PDE4D: variants seen among roughly 807,000 people sequenced by gnomAD.
PDE4D encodes the protein 3',5'-cyclic-AMP phosphodiesterase 4D.
Under a neutral mutation model 87.4 loss-of-function variants are expected in PDE4D, and 24 were observed. The observed-to-expected ratio is 0.27, with a 90% CI of 0.20 to 0.39. The LOEUF (loss-of-function observed/expected upper bound fraction) is 0.39, where lower values mean the gene tolerates loss of function less well. Among genes scored for constraint, PDE4D ranks in the 10% least tolerant of loss-of-function variants. The pLI is 1.00. For missense variants in PDE4D, 714 were observed against 1,041.0 expected (o/e 0.69, Z 4.32); for synonymous variants, 384 against 383.2 (o/e 1.00, Z -0.02).
chr5:60,116,390 C>T (rs1450983975), intron 2 of PDE4D, among the ~76,000 whole-genome samples: 1 of 151,800 alleles, frequency 6.6e-6, no homozygotes, highest in Non-Finnish European at 1.5e-5. Context: ...TAAGGGTAAC[C>T]CCCTTATGCC....
At chr5:60,479,403 TG>T (rs1748559967) in intron 1 of PDE4D, among the ~76,000 whole-genome samples, 1 of 152,174 alleles carries the variant, frequency 6.6e-6, no homozygotes, top group Non-Finnish European at 1.5e-5. Context: ...ATATTCACAA[TG>T]TGCTACTGAG....
At chr5:60,083,860 T>C (rs904144680) in intron 2 of PDE4D, among the ~76,000 whole-genome samples, 4 of 152,210 alleles carry the variant, frequency 2.6e-5, no homozygotes, top group Admixed American at 1.3e-4. Flanking sequence ...TCTACGGTTA[T>C]GGTCTGGCCT....
rs58613622 is a variant in PDE4D at position 59,781,784 on chromosome 5, CAAAAAAAAAAAA to C, written c.455+111372_455+111383del. ...TGGGCGACAGAGCGACACTCCATCTCAAAAAAAAAAAAAAAAAAAAAAAAAAAAAAATCAACT... is the reference window on the plus strand; with the variant it reads ...TGGGCGACAGAGCGACACTCCATCTCAAAAAAAAAAAAAAAAAAATCAACT... On this transcript the variant is annotated intron_variant, in intron 1 of 14. Transcript: ENST00000340635. Among the ~76,000 whole-genome samples, 37 of 39,900 alleles carry C rather than the reference CAAAAAAAAAAAA, an allele frequency of 9.3e-4. 1 individual carries two copies. Among genetic ancestry groups the C allele is most frequent in the East Asian group, 1.5e-3 (1 of 654 alleles). The allele number at this position is 39,900 out of a possible 152,430, so 26.2% of individuals were successfully genotyped here.
intron 1 of PDE4D, among the ~76,000 whole-genome samples, chr5:60,458,405 A>AC (rs1746653268): frequency 6.6e-6 from 1 of 151,190 alleles, no homozygotes; most frequent in East Asian, 2.0e-4. Context: ...AAAAAAAAAA[A>AC]AAAGCAAAAG....
At chr5:60,518,282 G>T (rs1158253272) in intron 1 of PDE4D, among the ~76,000 whole-genome samples, 2 of 152,242 alleles carry the variant, frequency 1.3e-5, no homozygotes, top group Non-Finnish European at 2.9e-5. Context: ...GCCTGCCCAG[G>T]CTGAGTGGGC....
At chr5:59,813,440 A>G (rs919985254) in intron 1 of PDE4D, among the ~76,000 whole-genome samples, 9 of 116,232 alleles carry the variant, frequency 7.7e-5, no homozygotes, top group African/African-American at 2.7e-4. Flanking sequence ...ACAAGCATAC[A>G]CTTGTACACA....
intron 1 of PDE4D, among the ~76,000 whole-genome samples, chr5:60,231,984 T>C (rs936763274): frequency 6.6e-6 from 1 of 151,950 alleles, no homozygotes; most frequent in African/African-American, 2.4e-5. Context: ...ACCGCCTTAG[T>C]CAATTTTTTA....
chr5:60,171,539 AAAAGCTCTT>A (rs1783428557), intron 2 of PDE4D, among the ~76,000 whole-genome samples: 1 of 152,136 alleles, frequency 6.6e-6, no homozygotes, highest in African/African-American at 2.4e-5. Context: ...GAGACAGAAT[AAAAGCTCTT>A]ACTATTCTGA....
rs191486914 is a variant in PDE4D at position 60,247,373 on chromosome 5, G to A, written c.-89-61686C>T. 1.3e-4 allele frequency among the ~76,000 whole-genome samples: 19 copies of A among 151,998 alleles called. No individual in the cohort carries two copies. In the East Asian group the frequency reaches 3.5e-3, roughly 28 times the overall value. Reference sequence around the variant, plus strand: ...AGCAGGGATGATAGTAAGATTATTAGCCATGTTTCTAGAACTGTTAGTAAA... The same window carrying A: ...AGCAGGGATGATAGTAAGATTATTAACCATGTTTCTAGAACTGTTAGTAAA... On this transcript the variant is annotated intron_variant, in intron 1 of 16. Transcript: ENST00000502484.
intron 1 of PDE4D, among the ~76,000 whole-genome samples, chr5:59,630,919 G>GT (rs971592220): frequency 3.3e-5 from 5 of 151,590 alleles, no homozygotes; most frequent in South Asian, 2.1e-4. Context: ...CTGACGCTCG[G>GT]TTTTTTTTCC....
intron 1 of PDE4D, among the ~76,000 whole-genome samples, chr5:59,732,394 TCA>T (rs71604799): frequency 0.18 from 26,035 of 145,888 alleles, 2,836 homozygotes; most frequent in South Asian, 0.24. Flanking sequence ...CAGGAGACAT[TCA>T]CACACACACA....
intron 1 of PDE4D, among the ~76,000 whole-genome samples, chr5:60,427,778 A>G (rs1364391550): frequency 1.3e-5 from 2 of 152,230 alleles, no homozygotes; most frequent in African/African-American, 2.4e-5. Context: ...CCATACAAAG[A>G]AAGGGAGATG....
At chr5:59,508,807 A>G (rs1295012762) in intron 1 of PDE4D, among the ~76,000 whole-genome samples, 1 of 152,078 alleles carries the variant, frequency 6.6e-6, no homozygotes, top group Non-Finnish European at 1.5e-5. Context: ...AACTCAACAA[A>G]CAGGTGAAAC....
intron 1 of PDE4D, among the ~76,000 whole-genome samples, chr5:59,790,851 G>A (rs1765706471): frequency 6.6e-6 from 1 of 152,168 alleles, no homozygotes; most frequent in South Asian, 2.1e-4. Context: ...TATGTGTCCT[G>A]TTAAACCCAG....
At chr5:59,180,857 C>T (rs1195106704) in intron 4 of PDE4D, among the ~76,000 whole-genome samples, 1 of 152,160 alleles carries the variant, frequency 6.6e-6, no homozygotes, top group African/African-American at 2.4e-5. Flanking sequence ...ACTGGTAAAT[C>T]TCACAGTGAT....
chr5:59,596,074 T>A, intron 1 of PDE4D, among the ~76,000 whole-genome samples: 1 of 151,570 alleles, frequency 6.6e-6, no homozygotes, highest in East Asian at 1.9e-4. Context: ...AGAGGCTGCA[T>A]CAGAGGCTGC....
At chr5:59,533,559 G>A (rs1814607358) in intron 1 of PDE4D, among the ~76,000 whole-genome samples, 1 of 152,200 alleles carries the variant, frequency 6.6e-6, no homozygotes, top group African/African-American at 2.4e-5. Context: ...TACAGTGTTT[G>A]GCGACAACAA....
intron 5 of PDE4D, among the ~76,000 whole-genome samples, chr5:59,069,377 C>A (rs547502778): frequency 1.3e-5 from 2 of 152,280 alleles, no homozygotes; most frequent in Non-Finnish European, 2.9e-5. Flanking sequence ...TCAGAAGATG[C>A]AATGAAAAGA....
intron 1 of PDE4D, among the ~76,000 whole-genome samples, chr5:59,391,403 A>AT (rs1211733591): frequency 1.3e-5 from 2 of 152,190 alleles, no homozygotes; most frequent in Non-Finnish European, 2.9e-5. Flanking sequence ...AAAGAAAAGG[A>AT]TTTTTTTAAA....
Sources: gnomAD v4.1 joint callset for allele counts (sites outside exome capture counted in the v4.1 genomes callset) on GRCh38, gnomAD v4.1.1 for gene constraint, MANE v1.5 for transcripts, NCBI Gene and HGNC (gene_info 2026-07-23, HGNC 2026-07-21) for gene names.